The following PWWP2A variants were observed in gnomAD, a reference collection of about 807,000 sequenced individuals.
PWWP2A encodes the protein PWWP domain-containing protein 2A.
PWWP2A carries 18 observed loss-of-function variants against 48.5 expected under a neutral mutation model. The ratio of observed to expected loss-of-function variants is 0.37; its 90% CI spans 0.26 to 0.55. PWWP2A has a LOEUF of 0.55. PWWP2A is among the 20% of genes least tolerant of loss of function. The pLI is 0.81. For missense variants in PWWP2A, 867 were observed against 976.4 expected (o/e 0.89, Z 1.49); for synonymous variants, 396 against 387.7 (o/e 1.02, Z -0.25).
chr5:160,107,932 C>CGGA (rs1040021656), intron 1 of PWWP2A, among the ~76,000 whole-genome samples: 1 of 151,944 alleles, frequency 6.6e-6, no homozygotes, highest in Non-Finnish European at 1.5e-5. Flanking sequence ...ACCCGAAAGG[C>CGGA]GGAGGTTCCA....
chr5:160,092,436 A>T lies in PWWP2A; in HGVS notation c.2214T>A (p.Ala738=), dbSNP rs1194530250. 4 of 1,550,500 alleles carry T rather than the reference A, an allele frequency of 2.6e-6. No homozygotes were observed. Among genetic ancestry groups the T allele is most frequent in the Non-Finnish European group, 3.5e-6 (4 of 1,146,768 alleles). ...GCACTTCGGGGGTCAGCTGCTTGGCAGCCTTAGCTGCCTCTGTGATAGCCT... is the reference window on the plus strand; with the variant it reads ...GCACTTCGGGGGTCAGCTGCTTGGCTGCCTTAGCTGCCTCTGTGATAGCCT... The part of the protein sequence containing the change: ...YRKAITEAAK[A]AKQLTPEVRA... The change falls in exon 2 of 2, where the codon GCT becomes GCA. Residue 738 remains alanine, a synonymous_variant. Transcript: ENST00000307063.
Position 160,065,350 on chromosome 5 carries a change from A to T in PWWP2A, c.*236+1198T>A, listed in dbSNP as rs1423586810. On this transcript the variant is annotated intron_variant and NMD_transcript_variant, in intron 4 of 5. Transcript: ENST00000524050. ...GGAAGAAGCCCATTTGTTGAGGCTG[A>T]CCTTCCTGATCATACACACACACAG... is the stretch of plus-strand genomic sequence containing the variant. 1.3e-5 allele frequency: 7 copies of T among 542,650 alleles called. No homozygotes were observed. In the Admixed American group the frequency reaches 1.6e-4, roughly 12 times the overall value. The allele number at this position is 542,650 out of a possible 1,614,324, so 33.6% of individuals were successfully genotyped here.
At chr5:160,066,210 T>C (rs1299054636) in intron 4 of PWWP2A, among the ~76,000 whole-genome samples, 2 of 151,816 alleles carry the variant, frequency 1.3e-5, no homozygotes, top group African/African-American at 4.8e-5. Context: ...ACAAGTTGTA[T>C]GGAAACCGTG....
chr5:160,069,310 A>G (rs1160372237), intron 2 of PWWP2A, among the ~76,000 whole-genome samples: 2 of 152,014 alleles, frequency 1.3e-5, no homozygotes, highest in African/African-American at 2.4e-5. Flanking sequence ...CTTACTTGCT[A>G]TTTTTCACAG....
At chr5:160,095,038 ACT>A (rs1383907561) in intron 1 of PWWP2A, among the ~76,000 whole-genome samples, 5 of 101,428 alleles carry the variant, frequency 4.9e-5, no homozygotes, top group South Asian at 4.0e-4. Flanking sequence ...ACAGAGCAAG[ACT>A]CTGTCTCAAA....
At chr5:160,067,758 G>T (rs996356071) in intron 2 of PWWP2A, among the ~76,000 whole-genome samples, 1 of 152,162 alleles carries the variant, frequency 6.6e-6, no homozygotes, top group Non-Finnish European at 1.5e-5. Context: ...TCCAACATTT[G>T]TAAGAAAAGA....
downstream of PWWP2A, among the ~76,000 whole-genome samples, chr5:160,060,473 T>C (rs939608836): frequency 6.6e-5 from 10 of 152,184 alleles, no homozygotes; most frequent in African/African-American, 2.4e-4. Context: ...ATAGACGAGA[T>C]CCTAATAGTT....
intron 1 of PWWP2A, among the ~76,000 whole-genome samples, chr5:160,098,467 C>T (rs1365795129): frequency 1.3e-5 from 2 of 152,290 alleles, no homozygotes; most frequent in South Asian, 2.1e-4. Context: ...ACCATGCTGT[C>T]ACCCTTACAC....
chr5:160,091,254 T>C (rs2113518852), downstream of PWWP2A: 1 of 977,318 alleles, frequency 1.0e-6, no homozygotes, highest in Non-Finnish European at 1.2e-6. Flanking sequence ...GTTTGATTTT[T>C]CATCTCTTCT....
In PWWP2A at chr5:160,092,671, C is replaced by A; in HGVS notation, c.1979G>T (p.Trp660Leu). 1 of 1,551,674 alleles carries A rather than the reference C, an allele frequency of 6.4e-7. No homozygotes were observed. The highest frequency in any genetic ancestry group is 8.7e-7 in the Non-Finnish European group (1 of 1,146,986). ...GRTICVGDIVWAKIYGFPWWP... is the reference protein window; with the variant it reads ...GRTICVGDIVLAKIYGFPWWP... ...CCAAGGGAAGCCATATATCTTGGCC[C>A]AAACAATGTCCCCTACACATATGGT... The change falls in exon 2 of 2, where the codon TGG becomes TTG. Residue 660 changes from tryptophan to leucine, a missense_variant. Trp to Leu is a moderately conservative substitution (Grantham distance 61). Transcript: ENST00000307063.
chr5:160,089,063 A>G (rs771148657), downstream of PWWP2A, among the ~76,000 whole-genome samples: 1 of 152,152 alleles, frequency 6.6e-6, no homozygotes, highest in Non-Finnish European at 1.5e-5. Flanking sequence ...ATTCCTGCCT[A>G]TTCAACTTAG....
intron 1 of PWWP2A, among the ~76,000 whole-genome samples, chr5:160,095,686 CTTTTTTTTTTTTT>C (rs11358268): frequency 1.0e-5 from 1 of 100,312 alleles, no homozygotes; most frequent in African/African-American, 3.8e-5. Flanking sequence ...CCGAAATGTT[CTTTTTTTTTTTTT>C]TTTTTTTTTT....
Position 160,109,790 on chromosome 5 carries a change from TATATATATATA to T in PWWP2A, c.584+9004_584+9014del. On this transcript the variant is annotated intron_variant, in intron 1 of 1. Coordinates refer to ENST00000307063, the MANE Select transcript of PWWP2A (RefSeq NM_001130864.2). ...AAAAAAAAAAATATATATATATATATATATATATATATATATATAAAATAATATAATAATAT... is the reference window on the plus strand; with the variant it reads ...AAAAAAAAAAATATATATATATATATTATATATAAAATAATATAATAATAT... Among the ~76,000 whole-genome samples, 2 of 122,866 alleles carry T rather than the reference TATATATATATA, an allele frequency of 1.6e-5. 1 individual carries two copies. The highest frequency in any genetic ancestry group is 5.1e-4 in the South Asian group (2 of 3,910). 80.6% of individuals were successfully genotyped at this position (122,866 alleles called of 152,430 possible).
At chr5:160,114,536 G>A (rs1451932294) in intron 1 of PWWP2A, among the ~76,000 whole-genome samples, 1 of 151,756 alleles carries the variant, frequency 6.6e-6, no homozygotes, top group Non-Finnish European at 1.5e-5. Flanking sequence ...GCCAAGGCGG[G>A]CGGATCACCT....
At position 160,093,064 on chromosome 5, in the gene PWWP2A, C is replaced by A. The variant is rs776118070; in HGVS notation, c.1586G>T (p.Gly529Val). 1 of 1,612,664 alleles carries A rather than the reference C, an allele frequency of 6.2e-7. No individual in the cohort carries two copies. The highest frequency in any genetic ancestry group is 8.5e-7 in the Non-Finnish European group (1 of 1,179,420). ...AACCTCACTGCTGGCCTCTTCAGGG[C>A]CTTTTGAGGGACTCTGATTTTCTGA... is the stretch of plus-strand genomic sequence containing the variant. ...APSENQSPSK[G>V]PEEASSEVQD... The change falls in exon 2 of 2, where the codon GGC becomes GTC. Residue 529 changes from glycine (G) to valine (V), a missense_variant. Gly to Val is a moderately radical substitution (Grantham distance 109). Around this residue, in one of 4 missense-constraint regions of PWWP2A, gnomAD observed 382 missense variants for 407.2 expected, o/e 0.94. Transcript: ENST00000307063. The surrounding 1 kb of genome is among the most constrained non-coding windows in gnomAD (Gnocchi z 5.8).
rs1335235082 is a variant in PWWP2A at position 160,092,612 on chromosome 5, G to A, written c.2038C>T (p.Arg680Trp). 4.5e-6 allele frequency: 7 copies of A among 1,551,534 alleles called. No homozygotes were observed. The highest frequency in any genetic ancestry group is 4.1e-5 in the African/African-American group (3 of 73,032). Residue 680 changes from arginine to tryptophan, a missense_variant, in exon 2 of 2, where the codon CGG becomes TGG. Coordinates refer to ENST00000307063, the MANE Select transcript of PWWP2A (RefSeq NM_001130864.2). ...PARILTITVS[R>W]KDNGLLVRQE... ...CGGACTAAAAGGCCGTTATCTTTCC[G>A]GCTCACAGTTATAGTAAGAATACGG...
At chr5:160,088,340 C>A (rs1241295804), downstream of PWWP2A, among the ~76,000 whole-genome samples, 1 of 152,070 alleles carries the variant, frequency 6.6e-6, no homozygotes, top group Admixed American at 6.6e-5. Context: ...TCAAGCAATT[C>A]TCCTGACTCA....
intron 1 of PWWP2A, among the ~76,000 whole-genome samples, chr5:160,105,905 G>A (rs1216127924): frequency 6.6e-6 from 1 of 152,030 alleles, no homozygotes; most frequent in African/African-American, 2.4e-5. Context: ...CTTCAAAGCT[G>A]ACAATTTGTA....
At chr5:160,069,264 G>A (rs1753687146) in intron 2 of PWWP2A, among the ~76,000 whole-genome samples, 1 of 151,350 alleles carries the variant, frequency 6.6e-6, no homozygotes, top group Non-Finnish European at 1.5e-5. Flanking sequence ...TAGCCTGGGT[G>A]ACAAAGTGAA....
Sources: allele counts gnomAD v4.1 joint callset (sites outside exome capture counted in the v4.1 genomes callset), GRCh38; gene constraint gnomAD v4.1.1; regional missense constraint gnomAD v4.1.1; non-coding constraint Gnocchi (gnomAD v3.1); transcripts MANE v1.5; gene names NCBI Gene and HGNC (gene_info 2026-07-23, HGNC 2026-07-21).